Variants in MTA1 observed in about 807,000 individuals in gnomAD.
MTA1 encodes metastasis associated 1, also known as metastasis-associated protein MTA1.
MTA1 carries 15 observed loss-of-function variants against 97.0 expected under a neutral mutation model. The observed-to-expected ratio is 0.15, with a 90% CI of 0.10 to 0.24. The LOEUF (loss-of-function observed/expected upper bound fraction) is 0.24, where lower values mean the gene tolerates loss of function less well. Among genes scored for constraint, MTA1 ranks in the 10% least tolerant of loss-of-function variants. MTA1 has a pLI of 1.00. For synonymous variants in MTA1, 435 were observed against 417.5 expected, an observed-to-expected ratio of 1.04 and a Z score of -0.51; for missense variants, 709 against 1,015.1, an observed-to-expected ratio of 0.70 and a Z score of 4.10.
At chr14:105,468,284 G>A (rs968380485) in intron 18 of MTA1, 6 of 1,301,852 alleles carry the variant, frequency 4.6e-6, no homozygotes, top group African/African-American at 1.5e-5. Flanking sequence ...GCTGCGTGTG[G>A]CTCACTAACC....
intron 1 of MTA1, among the ~76,000 whole-genome samples, chr14:105,438,114 C>A (rs2141474765): frequency 6.6e-6 from 1 of 152,184 alleles, no homozygotes; most frequent in East Asian, 1.9e-4. Flanking sequence ...TGTTTTTGAG[C>A]CTGCCTGGGC....
chr14:105,433,397 C>T (rs79874682), intron 1 of MTA1, among the ~76,000 whole-genome samples: 3,646 of 152,278 alleles, frequency 0.024, 143 homozygotes, highest in African/African-American at 0.08. Flanking sequence ...CAAGGCACCG[C>T]GGTACGTCAC....
chr14:105,438,270 A>C (rs781930036), intron 1 of MTA1, among the ~76,000 whole-genome samples: 29 of 151,978 alleles, frequency 1.9e-4, no homozygotes, highest in Non-Finnish European at 3.8e-4. Context: ...TGCCAGTGGG[A>C]AGGTGTCCTG....
At chr14:105,457,465 C>T (rs782232520) in intron 7 of MTA1, among the ~76,000 whole-genome samples, 13 of 152,244 alleles carry the variant, frequency 8.5e-5, no homozygotes, top group South Asian at 2.1e-4. Context: ...CCCTGGCCCC[C>T]GGCTCTGGCT....
chr14:105,442,556 C>T (rs2082572731), intron 2 of MTA1, among the ~76,000 whole-genome samples: 1 of 152,278 alleles, frequency 6.6e-6, no homozygotes, highest in African/African-American at 2.4e-5. Flanking sequence ...GATTGTTAAT[C>T]TCAGGAAGCA....
In MTA1 at chr14:105,423,036, T is replaced by G. The variant is rs78779949; in HGVS notation, c.28+2973T>G. ...GGATGTTTCTTCTCTGGGTTGAACA[T>G]GAAGATGTTAGATAGCATCCAAAAC... On this transcript the variant is annotated intron_variant, in intron 1 of 20. Transcript: ENST00000331320. Among the ~76,000 whole-genome samples the G allele has an allele frequency of 1.4e-4, 22 of 152,162 alleles. No individual in the cohort carries two copies. The East Asian group carries it at 2.1e-3, about 15-fold the overall frequency.
At chr14:105,445,533 G>GT in intron 3 of MTA1, 22 bp downstream of exon 3, 1 of 1,612,364 alleles carries the variant, frequency 6.2e-7, no homozygotes, top group Non-Finnish European at 8.5e-7. Flanking sequence ...CTTCCCTGGG[G>GT]TGCCCGCCTG....
Position 105,470,094 on chromosome 14 carries a change from A to T in MTA1, c.2027A>T (p.Glu676Val). The T allele has an allele frequency of 6.2e-7, 1 of 1,612,592 alleles. No individual in the cohort carries two copies. Among genetic ancestry groups the T allele is most frequent in the Admixed American group, 1.7e-5 (1 of 60,012 alleles). ...ATCCGCAAGCTGCTCTCATCCTCGG[A>T]AACCAAGCGTGCTGCCCGCCGGCCC... ...RKIRKLLSSSETKRAARRPYK... is the reference protein window; with the variant it reads ...RKIRKLLSSSVTKRAARRPYK... Residue 676 changes from glutamate to valine, a missense_variant, in exon 21 of 21, where the codon GAA becomes GTA. Coordinates refer to ENST00000331320, the MANE Select transcript of MTA1 (RefSeq NM_004689.4).
intron 16 of MTA1, chr14:105,465,732 AGCCG>A (rs1450977354): frequency 2.6e-5 from 4 of 152,474 alleles, no homozygotes; most frequent in African/African-American, 9.7e-5. Flanking sequence ...CGAGAACCTC[AGCCG>A]GCTACCCTGG....
At chr14:105,457,404 C>T (rs1377325355) in intron 7 of MTA1, among the ~76,000 whole-genome samples, 2 of 152,222 alleles carry the variant, frequency 1.3e-5, no homozygotes, top group African/African-American at 2.4e-5. Context: ...CTCCATCGTC[C>T]CAGCTCCCAG....
chr14:105,420,154 G>A lies in MTA1; in HGVS notation c.28+91G>A. The A allele has an allele frequency of 3.1e-6, 2 of 650,498 alleles. No individual in the cohort carries two copies. The highest frequency in any genetic ancestry group is 3.8e-6 in the Non-Finnish European group (2 of 525,120). 40.3% of individuals were successfully genotyped at this position (650,498 alleles called of 1,614,324 possible). On this transcript the variant is annotated intron_variant, in intron 1 of 20. Coordinates refer to ENST00000331320, the MANE Select transcript of MTA1 (RefSeq NM_004689.4). The surrounding 1 kb of genome is among the most constrained non-coding windows in gnomAD (Gnocchi z 5.3). The stretch of plus-strand genomic sequence containing the variant: ...GCCTCCCCCGCCCCTCTGCCCCGCA[G>A]GCCCCGCGCCCCCCGCCCGCCCTCG...
In MTA1 at chr14:105,449,381, C is replaced by G; in HGVS notation, c.213C>G (p.Ala71=). 1 of 1,612,466 alleles carries G rather than the reference C, an allele frequency of 6.2e-7. No individual in the cohort carries two copies. The highest frequency in any genetic ancestry group is 1.3e-5 in the African/African-American group (1 of 75,024). The stretch of plus-strand genomic sequence containing the variant: ...TAGCCCTGTCAGTCTGCTATAAGGC[C>G]GGACCGGGGGCGGACAACGGCGAGG... ...KHATLSVCYK[A]GPGADNGEEG... Residue 71 remains alanine, a synonymous_variant, in exon 4 of 21, where the codon GCC becomes GCG. Transcript: ENST00000331320.
At chr14:105,469,054 G>A in intron 18 of MTA1, 2 of 418,372 alleles carry the variant, frequency 4.8e-6, no homozygotes, top group Non-Finnish European at 9.6e-6. Context: ...AAAAAGCCCG[G>A]CCTCCTGGTG....
At chr14:105,443,727 G>T (rs1555426328) in intron 2 of MTA1, among the ~76,000 whole-genome samples, 1 of 152,148 alleles carries the variant, frequency 6.6e-6, no homozygotes, top group African/African-American at 2.4e-5. Flanking sequence ...CGGGCAGATT[G>T]CTGGAGTCCA....
chr14:105,428,293 G>A (rs1595267405), intron 1 of MTA1, among the ~76,000 whole-genome samples: 1 of 152,072 alleles, frequency 6.6e-6, no homozygotes, highest in African/African-American at 2.4e-5. Context: ...TGAGTCTGGC[G>A]TCTTTCTTTT....
In MTA1 at chr14:105,422,107, G is replaced by A. The variant is rs938719681; in HGVS notation, c.28+2044G>A. Among the ~76,000 whole-genome samples the A allele has an allele frequency of 1.4e-4, 22 of 152,202 alleles. No individual in the cohort carries two copies. Among genetic ancestry groups the A allele is most frequent in the Non-Finnish European group, 2.6e-4 (18 of 68,036 alleles). ...GTGGTCACTGTGGCCGGGTGTGCTC[G>A]GAGCTGTCAGGCCCCCCACGTGCCC... On this transcript the variant is annotated intron_variant, in intron 1 of 20. Transcript: ENST00000331320. The surrounding 1 kb of genome is among the most constrained non-coding windows in gnomAD (Gnocchi z 4.3).
chr14:105,469,736 G>A, intron 19 of MTA1, 105 bp from the exon 20 acceptor site: 1 of 1,463,174 alleles, frequency 6.8e-7, no homozygotes, highest in Non-Finnish European at 9.2e-7. Flanking sequence ...AACTCACTGG[G>A]GTGGTGGGGG....
rs868996335 is a variant in MTA1 at position 105,446,880 on chromosome 14, C to T, written c.190+1369C>T. Among the ~76,000 whole-genome samples, 3 of 152,138 alleles carry T rather than the reference C, an allele frequency of 2.0e-5. No homozygotes were observed. The South Asian group carries it at 6.2e-4, about 32-fold the overall frequency. On this transcript the variant is annotated intron_variant, in intron 3 of 20. Transcript: ENST00000331320. ...GGGCTTTCTCTGGCTTTGTGAGGAA[C>T]TGGACCTCCTAGCTCTCTGCTCAGA...
In MTA1 at chr14:105,424,687, G is replaced by T. The variant is rs1221158243; in HGVS notation, c.28+4624G>T. Among the ~76,000 whole-genome samples the T allele has an allele frequency of 2.0e-5, 3 of 151,622 alleles. No individual in the cohort carries two copies. Among genetic ancestry groups the T allele is most frequent in the Non-Finnish European group, 2.9e-5 (2 of 67,970 alleles). ...GTTTTTGTGTTTTTAGTAGAGACAG[G>T]GTTTCACCATCTAGGCCAGGCTGGT... On this transcript the variant is annotated intron_variant, in intron 1 of 20. Transcript: ENST00000331320. This position sits in a 1 kb window ranked among gnomAD's most constrained non-coding sequence, Gnocchi z 4.0.
Sources: gnomAD v4.1 joint callset for allele counts (sites outside exome capture counted in the v4.1 genomes callset) on GRCh38, gnomAD v4.1.1 for gene constraint, Gnocchi (gnomAD v3.1) non-coding constraint, MANE v1.5 for transcripts, NCBI Gene and HGNC (gene_info 2026-07-23, HGNC 2026-07-21) for gene names.